B4GALNT1: variants seen among roughly 807,000 people sequenced by gnomAD.
B4GALNT1 encodes beta-1,4 N-acetylgalactosaminyltransferase 1.
In B4GALNT1, 43 loss-of-function variants were observed where a neutral mutation model predicts 55.2. The ratio of observed to expected loss-of-function variants is 0.78; its 90% CI spans 0.61 to 1.00. The LOEUF is 1.00. Among genes scored for constraint, B4GALNT1 ranks in the 50% least tolerant of loss-of-function variants. The pLI is 0.00. For missense variants in B4GALNT1, 664 were observed against 729.7 expected, an observed-to-expected ratio of 0.91 and a Z score of 1.04; for synonymous variants, 305 against 311.6, an observed-to-expected ratio of 0.98 and a Z score of 0.22.
At position 57,625,465 on chromosome 12, in the gene B4GALNT1, G is replaced by A. The variant is rs767926217; in HGVS notation, c.*1279C>T. ...CGCCTCCTCCTGGCTCAGTGTAATG[G>A]TGAGATGTGTGGAGAAGAGCGGGGC... On this transcript the variant is annotated 3_prime_UTR_variant, in exon 11 of 11. Transcript: ENST00000341156. 1.2e-6 allele frequency: 2 copies of A among 1,614,208 alleles called. No homozygotes were observed. Among genetic ancestry groups the A allele is most frequent in the Non-Finnish European group, 1.7e-6 (2 of 1,180,034 alleles).
At position 57,623,620 on chromosome 12, in the gene B4GALNT1, A is replaced by G; in HGVS notation, c.*3124T>C. 4 of 567,752 alleles carry G rather than the reference A, an allele frequency of 7.0e-6. No homozygotes were observed. Among genetic ancestry groups the G allele is most frequent in the Non-Finnish European group, 1.2e-5 (4 of 320,116 alleles). The allele number at this position is 567,752 out of a possible 1,614,324, so 35.2% of individuals were successfully genotyped here. A position where few individuals can be genotyped will look rare whatever the true frequency, so the allele number is the denominator to read the frequency against. ...TGGGGAACTTGAACAATGGACATCT[A>G]CAAGGAGACTGGTGAATAATGGGCA... On this transcript the variant is annotated 3_prime_UTR_variant, in exon 11 of 11. Transcript: ENST00000341156.
chr12:57,631,628 C>T (rs551092515), intron 2 of B4GALNT1, among the ~76,000 whole-genome samples: 1 of 152,318 alleles, frequency 6.6e-6, no homozygotes, highest in African/African-American at 2.4e-5. Context: ...AGGACCCCAC[C>T]TGGAGTCTCT....
In B4GALNT1 at chr12:57,624,811, AAAG is replaced by A; in HGVS notation, c.*1930_*1932del. 2 of 1,559,542 alleles carry A rather than the reference AAAG, an allele frequency of 1.3e-6. No homozygotes were observed. Among genetic ancestry groups the A allele is most frequent in the Non-Finnish European group, 8.8e-7 (1 of 1,130,428 alleles). Reference sequence around the variant, plus strand: ...GCCCCAGGGTGGGTGGGCTGCAGCCAAAGAAGGAAGGGAAGATTAGCCCCAGAC... The same window carrying A: ...GCCCCAGGGTGGGTGGGCTGCAGCCAAAGGAAGGGAAGATTAGCCCCAGAC... On this transcript the variant is annotated 3_prime_UTR_variant, in exon 11 of 11. Coordinates refer to ENST00000341156, the MANE Select transcript of B4GALNT1 (RefSeq NM_001478.5).
Position 57,625,500 on chromosome 12 carries a change from G to C in B4GALNT1, c.*1244C>G. On this transcript the variant is annotated 3_prime_UTR_variant, in exon 11 of 11. Coordinates refer to ENST00000341156, the MANE Select transcript of B4GALNT1 (RefSeq NM_001478.5). The stretch of plus-strand genomic sequence containing the variant: ...TGGAGAAGAGCGGGGCCCAGTGCCT[G>C]GGCAATGACTGGACACCTGCGGTAG... The C allele has an allele frequency of 6.2e-7, 1 of 1,614,090 alleles. No homozygotes were observed. Among genetic ancestry groups the C allele is most frequent in the Non-Finnish European group, 8.5e-7 (1 of 1,179,974 alleles).
chr12:57,627,926 G>T (rs1473780019), intron 9 of B4GALNT1, 68 bp from the exon 10 acceptor site: 3 of 1,482,838 alleles, frequency 2.0e-6, no homozygotes, highest in Non-Finnish European at 8.9e-7. Context: ...CAAGGTCTGC[G>T]CTCCGGTGCC....
Position 57,624,019 on chromosome 12 carries a change from T to A in B4GALNT1, c.*2725A>T. 6.2e-7 allele frequency: 1 copy of A among 1,611,782 alleles called. No homozygotes were observed. The highest frequency in any genetic ancestry group is 8.5e-7 in the Non-Finnish European group (1 of 1,178,614). On this transcript the variant is annotated 3_prime_UTR_variant, in exon 11 of 11. Transcript: ENST00000341156. Reference sequence around the variant, plus strand: ...TGCCTCAAGGCTGTCCTGGCTTGCATCAACATCTCCAGCATGCGCCAGGTG... The same window carrying A: ...TGCCTCAAGGCTGTCCTGGCTTGCAACAACATCTCCAGCATGCGCCAGGTG...
Position 57,631,349 on chromosome 12 carries a change from G to C in B4GALNT1, c.234C>G (p.Asn78Lys). The C allele has an allele frequency of 1.2e-6, 2 of 1,614,068 alleles. No homozygotes were observed. The highest frequency in any genetic ancestry group is 1.7e-6 in the Non-Finnish European group (2 of 1,179,962). The stretch of plus-strand genomic sequence containing the variant: ...CCCCACTGGACTCACAACTGCAGTT[G>C]TTCCAAGCCAGCAGCCTGAAGGGGG... ...KEQVVGLLAW[N>K]NCSCESSGGG... is the part of the protein sequence containing the mutation. The change falls in exon 3 of 11, where the codon AAC (asparagine) becomes AAG (lysine). Residue 78 changes from asparagine to lysine, a missense_variant. Asn to Lys is a moderately conservative substitution (Grantham distance 94, BLOSUM62 0). Coordinates refer to ENST00000341156, the MANE Select transcript of B4GALNT1 (RefSeq NM_001478.5).
Position 57,631,025 on chromosome 12 carries a change from G to A in B4GALNT1, c.445C>T (p.Leu149=). Residue 149 remains leucine (L), a synonymous_variant, in exon 4 of 11, where the codon CTA becomes TTA. Transcript: ENST00000341156. ...APANSPLQYP[L]QGVEVQPLRS... ...AGGGGCTGAACTTCCACACCCTGTAGGGGGTACTGGAGCGGGGAGTTGGCA... is the reference window on the plus strand; with the variant it reads ...AGGGGCTGAACTTCCACACCCTGTAAGGGGTACTGGAGCGGGGAGTTGGCA... 4 of 1,613,314 alleles carry A rather than the reference G, an allele frequency of 2.5e-6. No individual in the cohort carries two copies. The South Asian group carries it at 4.4e-5, about 18-fold the overall frequency.
At chr12:57,631,396 G>T in intron 2 of B4GALNT1, 32 bp from the exon 3 acceptor site, 1 of 1,612,392 alleles carries the variant, frequency 6.2e-7, no homozygotes. Context: ...GGTCATCAGA[G>T]CCCAGCTACA....
Position 57,633,196 on chromosome 12 carries a change from G to A in B4GALNT1, c.-426C>T, listed in dbSNP as rs1054901160. The A allele has an allele frequency of 3.3e-5, 5 of 152,274 alleles. No individual in the cohort carries two copies. Among genetic ancestry groups the A allele is most frequent in the Non-Finnish European group, 5.9e-5 (4 of 68,080 alleles). The allele number at this position is 152,274 out of a possible 1,614,324, so 9.4% of individuals were successfully genotyped here. On this transcript the variant is annotated 5_prime_UTR_variant, in exon 1 of 11. Coordinates refer to ENST00000341156, the MANE Select transcript of B4GALNT1 (RefSeq NM_001478.5). Reference sequence around the variant, plus strand: ...TGCGGCTGCTTCGGCTCCGCGCGGGGAATGCGAGCGCCCCGGCGCCTTCTA... The same window carrying A: ...TGCGGCTGCTTCGGCTCCGCGCGGGAAATGCGAGCGCCCCGGCGCCTTCTA...
At position 57,625,099 on chromosome 12, in the gene B4GALNT1, G is replaced by C. The variant is rs780562286; in HGVS notation, c.*1645C>G. 1.2e-6 allele frequency: 2 copies of C among 1,614,132 alleles called. No individual in the cohort carries two copies. The highest frequency in any genetic ancestry group is 1.7e-6 in the Non-Finnish European group (2 of 1,180,002). On this transcript the variant is annotated 3_prime_UTR_variant, in exon 11 of 11. Coordinates refer to ENST00000341156, the MANE Select transcript of B4GALNT1 (RefSeq NM_001478.5). ...ATGTTCATGCTGTGTTTCGGGAGTG[G>C]TGACTGCCCTTCTTTACTTATAGGA...
chr12:57,632,178 G>C (rs1439068318), intron 1 of B4GALNT1, 45 bp from the exon 2 acceptor site: 3 of 1,482,014 alleles, frequency 2.0e-6, no homozygotes, highest in African/African-American at 2.8e-5. Context: ...GGGAAGAAGG[G>C]AGGGCAAGGG....
At position 57,624,334 on chromosome 12, in the gene B4GALNT1, G is replaced by A; in HGVS notation, c.*2410C>T. The A allele has an allele frequency of 3.2e-6, 2 of 633,128 alleles. No homozygotes were observed. Among genetic ancestry groups the A allele is most frequent in the Middle Eastern group, 3.1e-4 (1 of 3,220 alleles). 39.2% of individuals were successfully genotyped at this position (633,128 alleles called of 1,614,324 possible). ...GTGCGGGTCATTACATTTGGTGTGT[G>A]TCCCATTGAATCAACCCTGTTGTTT... On this transcript the variant is annotated 3_prime_UTR_variant, in exon 11 of 11. Coordinates refer to ENST00000341156, the MANE Select transcript of B4GALNT1 (RefSeq NM_001478.5).
At position 57,630,025 on chromosome 12, in the gene B4GALNT1, T is replaced by C. The variant is rs530964727; in HGVS notation, c.712+127A>G. 6.4e-6 allele frequency: 10 copies of C among 1,571,238 alleles called. No individual in the cohort carries two copies. The African/African-American group carries it at 6.7e-5, about 11-fold the overall frequency. ...CCTGCTGGTCCAGTTGAAGCACCCA[T>C]TGTGTGGCTGGACAGCTCTGGCCAT... On this transcript the variant is annotated intron_variant, in intron 6 of 10. Coordinates refer to ENST00000341156, the MANE Select transcript of B4GALNT1 (RefSeq NM_001478.5).
At position 57,626,664 on chromosome 12, in the gene B4GALNT1, G is replaced by T; in HGVS notation, c.*80C>A. The T allele has an allele frequency of 6.6e-7, 1 of 1,504,568 alleles. No homozygotes were observed. Among genetic ancestry groups the T allele is most frequent in the Non-Finnish European group, 9.2e-7 (1 of 1,087,522 alleles). The allele number at this position is 1,504,568 out of a possible 1,614,324, so 93.2% of individuals were successfully genotyped here. A position where few individuals can be genotyped will look rare whatever the true frequency, so the allele number is the denominator to read the frequency against. ...GGGACAGCCAGTAGAGTGCTCACAG[G>T]GTGGTGGGGTTTGTTGGAAATTCCT... On this transcript the variant is annotated 3_prime_UTR_variant, in exon 11 of 11. Coordinates refer to ENST00000341156, the MANE Select transcript of B4GALNT1 (RefSeq NM_001478.5).
rs1884681520 is a variant in B4GALNT1 at position 57,624,651 on chromosome 12, G to C, written c.*2093C>G. On this transcript the variant is annotated 3_prime_UTR_variant, in exon 11 of 11. Coordinates refer to ENST00000341156, the MANE Select transcript of B4GALNT1 (RefSeq NM_001478.5). The stretch of plus-strand genomic sequence containing the variant: ...GAGTTGAGGTCGGGGCAGGGGAAGA[G>C]AATGAGGTGCTTGGGGTGACTCTCC... 2 of 726,660 alleles carry C rather than the reference G, an allele frequency of 2.8e-6. No homozygotes were observed. The highest frequency in any genetic ancestry group is 2.6e-5 in the East Asian group (1 of 37,948). The allele number at this position is 726,660 out of a possible 1,614,324, so 45.0% of individuals were successfully genotyped here. A position where few individuals can be genotyped will look rare whatever the true frequency, so the allele number is the denominator to read the frequency against.
chr12:57,631,112 G>A (rs765422508), intron 3 of B4GALNT1, 26 bp from the exon 4 acceptor site: 1 of 1,609,034 alleles, frequency 6.2e-7, no homozygotes, highest in South Asian at 1.1e-5. Context: ...GGAGAGGACA[G>A]AGCAGAGTCG....
chr12:57,630,086 C>A, intron 6 of B4GALNT1, 66 bp downstream of exon 6: 1 of 1,613,210 alleles, frequency 6.2e-7, no homozygotes, highest in Non-Finnish European at 8.5e-7. Flanking sequence ...GCCATTTGCC[C>A]ACTCCAGCCT....
At chr12:57,629,622 G>C in intron 6 of B4GALNT1, 1 of 586,496 alleles carries the variant, frequency 1.7e-6, no homozygotes, top group Non-Finnish European at 2.8e-6. Context: ...ATAGTGAAGA[G>C]GAGGCATTTG....
Sources: gnomAD v4.1 joint callset for allele counts (sites outside exome capture counted in the v4.1 genomes callset) on GRCh38, gnomAD v4.1.1 for gene constraint, MANE v1.5 for transcripts, NCBI Gene and HGNC (gene_info 2026-07-23, HGNC 2026-07-21) for gene names.